The following VSIG10 variants were observed in gnomAD, a reference collection of about 807,000 sequenced individuals.
The protein encoded by VSIG10 is V-set and immunoglobulin domain containing 10, also known as V-set and immunoglobulin domain-containing protein 10.
Under a neutral mutation model 58.7 loss-of-function variants are expected in VSIG10, and 48 were observed. The observed-to-expected ratio is 0.82, with a 90% CI of 0.65 to 1.04. The LOEUF is 1.04. Ranked by LOEUF, VSIG10 falls within the 50% of genes least tolerant of loss-of-function variation. VSIG10 has a pLI of 0.00. For synonymous variants in VSIG10, 260 were observed against 267.1 expected (o/e 0.97, Z 0.26); for missense variants, 628 against 670.0 (o/e 0.94, Z 0.69).
At chr12:118,069,121 GC>G in intron 7 of VSIG10, among the ~76,000 whole-genome samples, 1 of 144,772 alleles carries the variant, frequency 6.9e-6, no homozygotes, top group East Asian at 2.7e-4. Flanking sequence ...ATAGAGTCTT[GC>G]GCTGTTGCCC....
At position 118,066,227 on chromosome 12, in the gene VSIG10, T is replaced by TAGAGGGAG. The variant is rs113098973; in HGVS notation, c.*404_*411dup. On this transcript the variant is annotated 3_prime_UTR_variant, in exon 9 of 9. Transcript: ENST00000359236. ...TGCCATTGCACTCCAGCCTGGGCAA[T>TAGAGGGAG]AGAGGGAGACTCCGTCTCAAAAAAA... is the stretch of plus-strand genomic sequence containing the variant. 724 of 138,122 alleles carry TAGAGGGAG rather than the reference T, an allele frequency of 5.2e-3. 12 individuals carry two copies. Among genetic ancestry groups the TAGAGGGAG allele is most frequent in the African/African-American group, 0.025 (687 of 27,688 alleles). The allele number at this position is 138,122 out of a possible 1,614,324, so 8.6% of individuals were successfully genotyped here.
chr12:118,083,795 T>C (rs1248161858), intron 2 of VSIG10, among the ~76,000 whole-genome samples: 1 of 152,002 alleles, frequency 6.6e-6, no homozygotes. Context: ...GGATTACAAG[T>C]GTGAGCCACC....
intron 1 of VSIG10, among the ~76,000 whole-genome samples, chr12:118,098,283 G>C (rs1209463437): frequency 1.8e-5 from 2 of 111,274 alleles, no homozygotes; most frequent in African/African-American, 6.9e-5. Context: ...CTCTCTCTCC[G>C]CCTCTCCCTC....
intron 5 of VSIG10, among the ~76,000 whole-genome samples, chr12:118,071,786 C>T (rs767261781): frequency 1.3e-5 from 2 of 152,184 alleles, no homozygotes; most frequent in Non-Finnish European, 2.9e-5. Context: ...GAGTGATCAA[C>T]GGAACAGAAC....
At chr12:118,072,694 T>TA (rs2137852436) in intron 5 of VSIG10, among the ~76,000 whole-genome samples, 1 of 151,910 alleles carries the variant, frequency 6.6e-6, no homozygotes, top group East Asian at 1.9e-4. Flanking sequence ...CTCATCTGTA[T>TA]AAAAAATAAA....
rs773365270 is a variant in VSIG10, at chr12:118,098,071, A to G, written c.80-2257T>C. ...AACCAACCACCCCAGCCTGTGGGTA[A>G]TAAGCACTACTGTCATTTTGGGGTT... On this transcript the variant is annotated intron_variant, in intron 1 of 8. Transcript: ENST00000359236. Among the ~76,000 whole-genome samples the G allele has an allele frequency of 9.9e-5, 15 of 152,162 alleles. 1 individual carries two copies. The highest frequency in any genetic ancestry group is 3.2e-3 in the Middle Eastern group (1 of 316).
rs2032351284 is a variant in VSIG10, at chr12:118,068,532, T to G, written c.1412A>C (p.Glu471Ala). 1 of 1,602,006 alleles carries G rather than the reference T, an allele frequency of 6.2e-7. No individual in the cohort carries two copies. The highest frequency in any genetic ancestry group is 2.2e-5 in the East Asian group (1 of 44,584). ...CCCTACTGCAGCATCTTCCTCCTCCTCCTCCTCCTCCTCCTCTTCCTCTTC... is the reference window on the plus strand; with the variant it reads ...CCCTACTGCAGCATCTTCCTCCTCCGCCTCCTCCTCCTCCTCTTCCTCTTC... Reference protein sequence around the residue: ...DSEEEEEEEEEEEEDAAVGEQ... With the variant: ...DSEEEEEEEEAEEEDAAVGEQ... Residue 471 changes from glutamate (E) to alanine (A), a missense_variant, in exon 8 of 9, where the codon GAG becomes GCG. Glu to Ala is a moderately radical substitution (Grantham distance 107). Transcript: ENST00000359236.
At chr12:118,071,653 G>T (rs1461308327) in intron 5 of VSIG10, among the ~76,000 whole-genome samples, 184 bp from the exon 6 acceptor site, 1 of 152,226 alleles carries the variant, frequency 6.6e-6, no homozygotes, top group Non-Finnish European at 1.5e-5. Context: ...GTGGGGATCA[G>T]ATGGAGCAGG....
At chr12:118,097,361 T>C (rs1001599330) in intron 1 of VSIG10, among the ~76,000 whole-genome samples, 1 of 152,144 alleles carries the variant, frequency 6.6e-6, no homozygotes, top group Non-Finnish European at 1.5e-5. Context: ...TGCCTGTAAT[T>C]CCAGCACGCT....
intron 1 of VSIG10, among the ~76,000 whole-genome samples, chr12:118,096,837 G>A (rs890114829): frequency 6.6e-6 from 1 of 151,662 alleles, no homozygotes; most frequent in East Asian, 2.0e-4. Context: ...TCAGGAGTTC[G>A]AGACCAGCCT....
chr12:118,080,290 G>A (rs115002225), intron 3 of VSIG10, among the ~76,000 whole-genome samples: 308 of 150,988 alleles, frequency 2.0e-3, no homozygotes, highest in African/African-American at 7.1e-3. Context: ...GTGAGCTACC[G>A]CGCCCAGCCT....
intron 1 of VSIG10, chr12:118,102,094 A>G (rs1566182391): frequency 6.6e-6 from 1 of 152,430 alleles, no homozygotes. Flanking sequence ...TGGGCAACAG[A>G]GCGAGAGCCT....
chr12:118,073,788 C>A lies in VSIG10; in HGVS notation c.1130G>T (p.Cys377Phe), dbSNP rs1566157977. Residue 377 changes from cysteine to phenylalanine, a missense_variant, in exon 5 of 9, where the codon TGC (cysteine) becomes TTC (phenylalanine). Cys to Phe is a radical substitution (Grantham distance 205). Transcript: ENST00000359236. ...GTAGCCCTCATCCAGGTCCTGGGAG[C>A]AGTTGTGGATAGTGAGGGTGGAGTT... ...GQNSTLTIHNCSQDLDEGYYI... is the reference protein window; with the variant it reads ...GQNSTLTIHNFSQDLDEGYYI... 14 of 1,613,952 alleles carry A rather than the reference C, an allele frequency of 8.7e-6. No individual in the cohort carries two copies. In the South Asian group the frequency reaches 1.5e-4, roughly 18 times the overall value.
chr12:118,074,248 T>C (rs1440647993), intron 4 of VSIG10, among the ~76,000 whole-genome samples: 1 of 152,030 alleles, frequency 6.6e-6, no homozygotes, highest in Non-Finnish European at 1.5e-5. Flanking sequence ...CACACCTGGC[T>C]AATTTTTGTA....
intron 4 of VSIG10, among the ~76,000 whole-genome samples, chr12:118,077,619 C>T (rs2032780891): frequency 6.6e-6 from 1 of 152,116 alleles, no homozygotes; most frequent in African/African-American, 2.4e-5. Context: ...ATTTCTAAGA[C>T]ACAGAGTGTG....
chr12:118,091,836 C>A (rs548678882), intron 2 of VSIG10, among the ~76,000 whole-genome samples: 1 of 152,018 alleles, frequency 6.6e-6, no homozygotes, highest in Non-Finnish European at 1.5e-5. Context: ...CAGCTCGCTG[C>A]AACCTCTGTC....
At chr12:118,079,652 G>GGTTA (rs1408764428) in intron 3 of VSIG10, 46 bp from the exon 4 acceptor site, 2 of 1,603,314 alleles carry the variant, frequency 1.2e-6, no homozygotes, top group Non-Finnish European at 1.7e-6. Flanking sequence ...CAGACTCTAG[G>GGTTA]ATCAGCCACT....
Position 118,070,302 on chromosome 12 carries a change from C to G in VSIG10, c.1346+750G>C, listed in dbSNP as rs372714567. On this transcript the variant is annotated intron_variant, in intron 7 of 8. Coordinates refer to ENST00000359236, the MANE Select transcript of VSIG10 (RefSeq NM_019086.6). ...GTGGCTCGTGCCTGTAATCCCGGCA[C>G]TTTGGGAGGCCGAGGCGGGCAGACC... Among the ~76,000 whole-genome samples, 8 of 152,182 alleles carry G rather than the reference C, an allele frequency of 5.3e-5. No individual in the cohort carries two copies. The East Asian group carries it at 1.5e-3, about 29-fold the overall frequency.
In VSIG10 at chr12:118,070,959, T is replaced by C. The variant is rs1431710560; in HGVS notation, c.1346+93A>G. 1.9e-5 allele frequency: 27 copies of C among 1,449,500 alleles called. 1 individual carries two copies. In the East Asian group the frequency reaches 6.2e-4, roughly 34 times the overall value. The allele number at this position is 1,449,500 out of a possible 1,614,324, so 89.8% of individuals were successfully genotyped here. ...CACATCGTAGGTCCTCAATGGTAGT[T>C]GCTATTATTGTTCTTGTGAAAGGAA... On this transcript the variant is annotated intron_variant, in intron 7 of 8. Coordinates refer to ENST00000359236, the MANE Select transcript of VSIG10 (RefSeq NM_019086.6).
Sources: gnomAD v4.1 joint callset for allele counts (sites outside exome capture counted in the v4.1 genomes callset) on GRCh38, gnomAD v4.1.1 for gene constraint, MANE v1.5 for transcripts, NCBI Gene and HGNC (gene_info 2026-07-23, HGNC 2026-07-21) for gene names.